Variants in RSF1 observed in about 807,000 individuals in gnomAD.
RSF1 encodes the protein HBV pX-associated protein 8.
Under a neutral mutation model 145.2 loss-of-function variants are expected in RSF1, and 13 were observed. The observed-to-expected ratio is 0.09, with a 90% confidence interval of 0.06 to 0.14. The LOEUF (loss-of-function observed/expected upper bound fraction) is 0.14, where lower values mean the gene tolerates loss of function less well. Ranked by LOEUF, RSF1 falls within the 10% of genes least tolerant of loss-of-function variation. The pLI, the probability that RSF1 is intolerant of heterozygous loss-of-function variation, is 1.00. For missense variants in RSF1, 1,517 were observed against 1,718.2 expected, an observed-to-expected ratio of 0.88 and a Z score of 2.07; for synonymous variants, 577 against 592.6, an observed-to-expected ratio of 0.97 and a Z score of 0.38.
intron 1 of RSF1, among the ~76,000 whole-genome samples, chr11:77,812,904 A>AT (rs1491021887): frequency 7.0e-6 from 1 of 142,962 alleles, no homozygotes. Flanking sequence ...AAAAAAAAAA[A>AT]ATCAGTCTGG....
intron 1 of RSF1, among the ~76,000 whole-genome samples, chr11:77,794,333 A>C (rs928926216): frequency 2.0e-5 from 3 of 152,194 alleles, no homozygotes; most frequent in African/African-American, 7.2e-5. Context: ...GTATCTTCTC[A>C]GTCCACAATG....
chr11:77,694,630 T>C (rs1051973592), intron 7 of RSF1, among the ~76,000 whole-genome samples: 1 of 152,216 alleles, frequency 6.6e-6, no homozygotes, highest in South Asian at 2.1e-4. Flanking sequence ...TTTAACACCA[T>C]TACCTCATAT....
At position 77,683,797 on chromosome 11, in the gene RSF1, T is replaced by G. The variant is rs1474015570; in HGVS notation, c.2978A>C (p.Gln993Pro). 2.5e-6 allele frequency: 4 copies of G among 1,612,004 alleles called. No individual in the cohort carries two copies. The highest frequency in any genetic ancestry group is 3.4e-6 in the Non-Finnish European group (4 of 1,179,668). The change falls in exon 11 of 16, where the codon CAA (glutamine) becomes CCA (proline). Residue 993 changes from glutamine to proline, a missense_variant. This residue lies in a region of RSF1 where 231 missense variants were observed against 276.6 expected (regional missense o/e 0.84). Coordinates refer to ENST00000308488, the MANE Select transcript of RSF1 (RefSeq NM_016578.4). ...TTTTGAATCTTTTTTCTTTTCTTCT[T>G]GATCTTCAGAAAAGTCTGGCTCCTT... is the stretch of plus-strand genomic sequence containing the variant. ...PPQEPDFSED[Q>P]EEKKKDSKKS...
At chr11:77,797,319 G>C (rs1948582773) in intron 1 of RSF1, among the ~76,000 whole-genome samples, 1 of 152,110 alleles carries the variant, frequency 6.6e-6, no homozygotes. Context: ...CAGATATATA[G>C]TCCAATGGAG....
intron 13 of RSF1, among the ~76,000 whole-genome samples, chr11:77,676,345 C>T (rs1203044185): frequency 6.6e-6 from 1 of 151,594 alleles, no homozygotes; most frequent in Non-Finnish European, 1.5e-5. Context: ...AGAAACTCTG[C>T]AGTATTGTTT....
rs565677950 is a variant in RSF1 at position 77,809,327 on chromosome 11, T to C, written c.187+11201A>G. 3.2e-4 allele frequency among the ~76,000 whole-genome samples: 49 copies of C among 152,332 alleles called. No individual in the cohort carries two copies. The South Asian group carries it at 0.01, about 32-fold the overall frequency. ...AGTACTACTACAGGCATTTAACCTA[T>C]AAAATTATGGTAAAGCATGCATACT... On this transcript the variant is annotated intron_variant, in intron 1 of 15. Transcript: ENST00000308488.
rs1489465909 is a variant in RSF1, at chr11:77,676,919, T to C, written c.3214A>G (p.Lys1072Glu). The part of the protein sequence containing the change: ...DISTILDEER[K>E]ENKRPQRAAA... Reference sequence around the variant, plus strand: ...GCCCTCTGGGGTCGTTTATTTTCTTTTCTTTCTTCATCCAAAATAGTAGAG... The same window carrying C: ...GCCCTCTGGGGTCGTTTATTTTCTTCTCTTTCTTCATCCAAAATAGTAGAG... The change falls in exon 13 of 16, where the codon AAA (lysine) becomes GAA (glutamate). Residue 1072 changes from lysine to glutamate, a missense_variant. This residue lies in a region of RSF1 where 231 missense variants were observed against 276.6 expected (regional missense o/e 0.84). Coordinates refer to ENST00000308488, the MANE Select transcript of RSF1 (RefSeq NM_016578.4). 1 of 1,614,190 alleles carries C rather than the reference T, an allele frequency of 6.2e-7. No individual in the cohort carries two copies. Among genetic ancestry groups the C allele is most frequent in the South Asian group, 1.1e-5 (1 of 91,086 alleles).
chr11:77,683,845 G>C (rs1157513369), intron 10 of RSF1, 26 bp from the exon 11 acceptor site: 4 of 1,523,924 alleles, frequency 2.6e-6, no homozygotes, highest in Non-Finnish European at 3.6e-6. Flanking sequence ...AATAAGCATA[G>C]AGGTTATTCC....
At chr11:77,814,924 A>G (rs992488572) in intron 1 of RSF1, among the ~76,000 whole-genome samples, 1 of 152,100 alleles carries the variant, frequency 6.6e-6, no homozygotes, top group Non-Finnish European at 1.5e-5. Flanking sequence ...CTTTCTTCCT[A>G]ACACACTGGT....
chr11:77,845,670 T>C, the RSF1 span, among the ~76,000 whole-genome samples: 492 of 152,306 alleles, frequency 3.2e-3, 3 homozygotes, highest in Non-Finnish European at 5.9e-3. Context: ...CCTCAAGTGA[T>C]CCACCCACCT....
At chr11:77,687,564 G>T (rs7941302) in intron 9 of RSF1, among the ~76,000 whole-genome samples, 2 of 151,894 alleles carry the variant, frequency 1.3e-5, no homozygotes, top group Non-Finnish European at 2.9e-5. Flanking sequence ...AAAATTAGCC[G>T]GGTGTGGTGG....
chr11:77,824,451 A>C (rs1261273284), upstream of RSF1, among the ~76,000 whole-genome samples: 1 of 152,238 alleles, frequency 6.6e-6, no homozygotes, highest in Non-Finnish European at 1.5e-5. Flanking sequence ...TTGCTCAATT[A>C]GAATTAACGG....
At chr11:77,867,296 C>T in the RSF1 span, among the ~76,000 whole-genome samples, 2 of 139,944 alleles carry the variant, frequency 1.4e-5, no homozygotes, top group African/African-American at 5.6e-5. Flanking sequence ...GAAGGTACCC[C>T]TTCTACAACC....
chr11:77,718,715 G>A (rs992081486), intron 5 of RSF1, among the ~76,000 whole-genome samples: 1 of 152,182 alleles, frequency 6.6e-6, no homozygotes, highest in Non-Finnish European at 1.5e-5. Flanking sequence ...AGAGTCATTT[G>A]CAAGCCAGGA....
chr11:77,754,535 A>T (rs1565170758), intron 2 of RSF1, among the ~76,000 whole-genome samples: 1 of 150,686 alleles, frequency 6.6e-6, no homozygotes, highest in Admixed American at 6.6e-5. Context: ...TGAGCCCAGG[A>T]GTTTGAGACC....
chr11:77,732,641 G>A (rs114930097), intron 4 of RSF1, among the ~76,000 whole-genome samples: 3,147 of 152,194 alleles, frequency 0.021, 110 homozygotes, highest in African/African-American at 0.073. Context: ...TGAGTCTCAC[G>A]AGATCTGATG....
chr11:77,821,048 C>G, upstream of RSF1: 6 of 324,232 alleles, frequency 1.9e-5, no homozygotes, highest in Non-Finnish European at 5.7e-6. Context: ...GGGCTGGAAG[C>G]GGGAGGGGCG....
chr11:77,727,400 A>G (rs1186989414), intron 4 of RSF1, among the ~76,000 whole-genome samples: 1 of 152,166 alleles, frequency 6.6e-6, no homozygotes, highest in Admixed American at 6.6e-5. Flanking sequence ...TATGCACCAT[A>G]ACAATTTTAA....
intron 1 of RSF1, among the ~76,000 whole-genome samples, chr11:77,780,614 T>A (rs1216949867): frequency 6.6e-6 from 1 of 151,926 alleles, no homozygotes; most frequent in Admixed American, 6.6e-5. Flanking sequence ...TCACTGGAGG[T>A]CAGGAGTTTG....
Sources: gnomAD v4.1 joint callset for allele counts (sites outside exome capture counted in the v4.1 genomes callset) on GRCh38, gnomAD v4.1.1 for gene constraint, gnomAD v4.1.1 regional missense constraint, MANE v1.5 for transcripts, NCBI Gene and HGNC (gene_info 2026-07-23, HGNC 2026-07-21) for gene names.